Variants in SYCP2L observed in about 807,000 individuals in gnomAD.
SYCP2L encodes synaptonemal complex protein 2-like.
A neutral mutation model predicts 125.8 loss-of-function variants in SYCP2L; 98 were observed. The ratio of observed to expected loss-of-function variants is 0.78; its 90% CI spans 0.66 to 0.92. SYCP2L has a LOEUF of 0.92. SYCP2L is among the 40% of genes least tolerant of loss of function. The pLI is 0.00. For synonymous variants in SYCP2L, 317 were observed against 325.4 expected (o/e 0.97, Z 0.28); for missense variants, 842 against 936.4 (o/e 0.90, Z 1.32).
At chr6:10,967,444 T>C (rs1781700513) in intron 29 of SYCP2L, among the ~76,000 whole-genome samples, 1 of 125,510 alleles carries the variant, frequency 8.0e-6, no homozygotes, top group Non-Finnish European at 1.7e-5. Context: ...GTTATGTGTA[T>C]GGGGTAGAGG....
intron 14 of SYCP2L, among the ~76,000 whole-genome samples, chr6:10,918,849 A>G (rs192381569): frequency 1.3e-5 from 2 of 151,630 alleles, no homozygotes; most frequent in Non-Finnish European, 2.9e-5. Context: ...TCTTTCTTCC[A>G]CTTGTTCGAT....
intron 29 of SYCP2L, among the ~76,000 whole-genome samples, chr6:10,966,750 A>G (rs564741662): frequency 2.3e-3 from 350 of 152,362 alleles, no homozygotes; most frequent in Admixed American, 5.5e-3. Flanking sequence ...CCATAGGAGG[A>G]GGAGTAAAAC....
At chr6:10,906,748 C>T (rs1452406557) in intron 9 of SYCP2L, among the ~76,000 whole-genome samples, 7 of 151,996 alleles carry the variant, frequency 4.6e-5, no homozygotes, top group African/African-American at 1.7e-4. Flanking sequence ...CAGGCACGCA[C>T]CGCCACACCT....
chr6:10,905,903 T>C (rs1780480912), intron 8 of SYCP2L, 117 bp from the exon 9 acceptor site: 5 of 664,120 alleles, frequency 7.5e-6, no homozygotes, highest in Non-Finnish European at 1.3e-5. Flanking sequence ...ATTTTGATGC[T>C]GAATTTGAAA....
chr6:10,947,807 C>T lies in SYCP2L; in HGVS notation c.1954+5061C>T, dbSNP rs566821624. Reference sequence around the variant, plus strand: ...AAAAATAGCAGTGAAAATCTGCATCCTTGTCTTTTTTCTAATCTTATAGCA... The same window carrying T: ...AAAAATAGCAGTGAAAATCTGCATCTTTGTCTTTTTTCTAATCTTATAGCA... On this transcript the variant is annotated intron_variant, in intron 23 of 29. Coordinates refer to ENST00000283141, the MANE Select transcript of SYCP2L (RefSeq NM_001040274.3). Among the ~76,000 whole-genome samples the T allele has an allele frequency of 1.8e-3, 273 of 152,126 alleles. 1 individual carries two copies. Among genetic ancestry groups the T allele is most frequent in the Non-Finnish European group, 3.3e-3 (225 of 67,904 alleles).
chr6:10,971,710 G>A (rs1781778010), intron 29 of SYCP2L, among the ~76,000 whole-genome samples: 1 of 152,008 alleles, frequency 6.6e-6, no homozygotes, highest in Middle Eastern at 3.4e-3. Context: ...TTGAGAAGGA[G>A]TTTCGCTCTT....
chr6:10,895,645 G>A (rs1172324564), intron 4 of SYCP2L, among the ~76,000 whole-genome samples: 1 of 151,798 alleles, frequency 6.6e-6, no homozygotes, highest in Admixed American at 6.6e-5. Flanking sequence ...GGGGTACTAT[G>A]AATTAGAGAA....
chr6:10,894,647 A>G (rs946756888), intron 4 of SYCP2L, among the ~76,000 whole-genome samples: 1 of 152,230 alleles, frequency 6.6e-6, no homozygotes, highest in Non-Finnish European at 1.5e-5. Flanking sequence ...TGAAAAAACA[A>G]ATAGCAGAAA....
chr6:10,921,298 G>A (rs190994806), intron 14 of SYCP2L, among the ~76,000 whole-genome samples: 15 of 152,256 alleles, frequency 9.9e-5, no homozygotes, highest in Admixed American at 8.5e-4. Context: ...AATTTAGATT[G>A]ATTCCATGTC....
chr6:10,891,640 T>TATATGA, intron 2 of SYCP2L, 59 bp downstream of exon 2: 3 of 805,838 alleles, frequency 3.7e-6, no homozygotes, highest in Non-Finnish European at 6.1e-6. Context: ...TGTGTGTGTG[T>TATATGA]GTGTGTGTGT....
At chr6:10,909,182 G>A (rs928659468) in intron 10 of SYCP2L, among the ~76,000 whole-genome samples, 3 of 137,268 alleles carry the variant, frequency 2.2e-5, no homozygotes, top group Non-Finnish European at 4.6e-5. Context: ...AGACTGGAGT[G>A]CAGTGGCATG....
At chr6:10,971,073 A>G (rs953121243) in intron 29 of SYCP2L, among the ~76,000 whole-genome samples, 5 of 152,142 alleles carry the variant, frequency 3.3e-5, no homozygotes, top group African/African-American at 1.2e-4. Context: ...TAGATTCTAA[A>G]TGGATGTTCT....
chr6:10,907,807 C>A, intron 10 of SYCP2L, 123 bp downstream of exon 10: 1 of 858,502 alleles, frequency 1.2e-6, no homozygotes, highest in East Asian at 2.8e-5. Flanking sequence ...CACTGCCATT[C>A]TTGAACTTGT....
chr6:10,958,093 A>G lies in SYCP2L; in HGVS notation c.2164-691A>G, dbSNP rs142397687. Reference sequence around the variant, plus strand: ...GATCTCCAGAGTCTTATTTTCTGTGATACCAATGTAAGCCAATTAGTAATA... The same window carrying G: ...GATCTCCAGAGTCTTATTTTCTGTGGTACCAATGTAAGCCAATTAGTAATA... On this transcript the variant is annotated intron_variant, in intron 25 of 29. Coordinates refer to ENST00000283141, the MANE Select transcript of SYCP2L (RefSeq NM_001040274.3). 5.3e-5 allele frequency among the ~76,000 whole-genome samples: 8 copies of G among 152,344 alleles called. No homozygotes were observed. The East Asian group carries it at 1.5e-3, about 29-fold the overall frequency.
chr6:10,952,024 C>T (rs935427881), intron 23 of SYCP2L, among the ~76,000 whole-genome samples: 1 of 152,148 alleles, frequency 6.6e-6, no homozygotes, highest in Non-Finnish European at 1.5e-5. Flanking sequence ...GAGCACACCC[C>T]CTCTGCAGCC....
intron 23 of SYCP2L, among the ~76,000 whole-genome samples, chr6:10,949,104 C>A (rs1320440595): frequency 1.3e-5 from 2 of 152,074 alleles, no homozygotes; most frequent in African/African-American, 2.4e-5. Context: ...GTTTGTTACT[C>A]TTCTCTGTTT....
At position 10,930,517 on chromosome 6, in the gene SYCP2L, A is replaced by C. The variant is rs199917764; in HGVS notation, c.1633+3A>C. On this transcript the variant is annotated splice_donor_region_variant and intron_variant, in intron 19 of 29. Transcript: ENST00000283141. ...AAGAACCAGAAGTAATTTGAGAAGTAAGTCTGGCATGTCTTCTTTTGAATC... is the reference window on the plus strand; with the variant it reads ...AAGAACCAGAAGTAATTTGAGAAGTCAGTCTGGCATGTCTTCTTTTGAATC... 1 of 1,607,616 alleles carries C rather than the reference A, an allele frequency of 6.2e-7. No homozygotes were observed.
intron 14 of SYCP2L, among the ~76,000 whole-genome samples, chr6:10,923,388 T>TC (rs1780835310): frequency 7.1e-6 from 1 of 141,212 alleles, no homozygotes; most frequent in East Asian, 2.0e-4. Context: ...CACTTTTTTT[T>TC]TTTTTTTTTT....
intron 20 of SYCP2L, among the ~76,000 whole-genome samples, chr6:10,934,549 G>A (rs1001580185): frequency 9.2e-5 from 14 of 152,338 alleles, no homozygotes; most frequent in Non-Finnish European, 1.6e-4. Flanking sequence ...GTGTGGTGGC[G>A]CGTGCCTATG....
Sources: allele counts gnomAD v4.1 joint callset (sites outside exome capture counted in the v4.1 genomes callset), GRCh38; gene constraint gnomAD v4.1.1; transcripts MANE v1.5; gene names NCBI Gene and HGNC (gene_info 2026-07-23, HGNC 2026-07-21).